Variants in IQCM observed in about 807,000 individuals in gnomAD.
The protein encoded by IQCM is IQ motif containing M, also known as IQ domain-containing protein M.
A neutral mutation model predicts 57.6 loss-of-function variants in IQCM; 45 were observed. That is an observed-to-expected ratio of 0.78 (90% confidence interval 0.62 to 1.00). IQCM has a LOEUF of 1.00. Ranked by LOEUF, IQCM falls within the 50% of genes least tolerant of loss-of-function variation. IQCM has a pLI of 0.00. For synonymous variants in IQCM, 148 were observed against 158.9 expected, an observed-to-expected ratio of 0.93 and a Z score of 0.51; for missense variants, 468 against 511.6, an observed-to-expected ratio of 0.91 and a Z score of 0.82.
chr4:149,627,049 A>G (rs1266047205), intron 7 of IQCM, among the ~76,000 whole-genome samples: 2 of 152,210 alleles, frequency 1.3e-5, no homozygotes, highest in African/African-American at 4.8e-5. Context: ...TACAGCTCCA[A>G]GACAACAACT....
intron 13 of IQCM, among the ~76,000 whole-genome samples, chr4:149,386,039 T>C (rs536042487): frequency 2.6e-5 from 4 of 152,240 alleles, no homozygotes; most frequent in Admixed American, 6.6e-5. Context: ...AAATCCTTCA[T>C]TGGCTTCTCA....
At chr4:149,504,482 C>T (rs1177521736) in intron 12 of IQCM, among the ~76,000 whole-genome samples, 1 of 152,042 alleles carries the variant, frequency 6.6e-6, no homozygotes, top group African/African-American at 2.4e-5. Flanking sequence ...CAGCCCACAC[C>T]CACCCCCCAT....
Position 149,800,036 on chromosome 4 carries a change from A to T in IQCM, c.-49+15275T>A, listed in dbSNP as rs368669882. 1.9e-4 allele frequency among the ~76,000 whole-genome samples: 29 copies of T among 151,930 alleles called. No individual in the cohort carries two copies. The East Asian group carries it at 3.7e-3, about 19-fold the overall frequency. On this transcript the variant is annotated intron_variant, in intron 2 of 13. Coordinates refer to ENST00000636793, the MANE Select transcript of IQCM (RefSeq NM_001363507.2). Reference sequence around the variant, plus strand: ...ACCCTGATACCAAAACCAGACAAAGATACCAAAAAAGGAAAACTACAGGCA... The same window carrying T: ...ACCCTGATACCAAAACCAGACAAAGTTACCAAAAAAGGAAAACTACAGGCA...
chr4:149,783,551 A>T (rs1771807322), intron 2 of IQCM, among the ~76,000 whole-genome samples: 1 of 152,204 alleles, frequency 6.6e-6, no homozygotes, highest in Non-Finnish European at 1.5e-5. Context: ...CTGCCAGCAC[A>T]AAACCCTCTG....
At chr4:149,706,597 T>C (rs1764177373) in intron 5 of IQCM, among the ~76,000 whole-genome samples, 1 of 152,024 alleles carries the variant, frequency 6.6e-6, no homozygotes, top group African/African-American at 2.4e-5. Flanking sequence ...AGTATTATCT[T>C]GTATATGTAA....
chr4:149,426,973 C>T lies in IQCM; in HGVS notation c.1390+6423G>A, dbSNP rs185859816. Among the ~76,000 whole-genome samples the T allele has an allele frequency of 2.1e-3, 314 of 152,070 alleles. 4 individuals are homozygous for T. The highest frequency in any genetic ancestry group is 7.3e-3 in the African/African-American group (302 of 41,516). On this transcript the variant is annotated intron_variant, in intron 13 of 13. Transcript: ENST00000636793. ...ATCAACAGCCTGCTTTGCTCAGAGA[C>T]CATGCTTAACCAGTATAATGCCCCC...
intron 2 of IQCM, among the ~76,000 whole-genome samples, chr4:149,777,895 C>T (rs1417216082): frequency 6.6e-6 from 1 of 151,946 alleles, no homozygotes; most frequent in Non-Finnish European, 1.5e-5. Context: ...GGTCAGCAAT[C>T]CAAGAATACC....
At chr4:149,485,537 C>G (rs951995039) in intron 12 of IQCM, among the ~76,000 whole-genome samples, 6 of 151,712 alleles carry the variant, frequency 4.0e-5, no homozygotes, top group Non-Finnish European at 5.9e-5. Flanking sequence ...TTCCATTTAC[C>G]AACTCTAGAA....
intron 2 of IQCM, among the ~76,000 whole-genome samples, chr4:149,810,550 A>C (rs924428743): frequency 2.0e-5 from 3 of 151,762 alleles, no homozygotes; most frequent in Admixed American, 1.3e-4. Context: ...CCCAGGTTCA[A>C]GCGATTCTCC....
intron 12 of IQCM, among the ~76,000 whole-genome samples, chr4:149,448,739 T>C (rs905180352): frequency 1.3e-5 from 2 of 151,846 alleles, no homozygotes; most frequent in Non-Finnish European, 1.5e-5. Context: ...TTTGATAAAA[T>C]TGACAAATTC....
intron 13 of IQCM, among the ~76,000 whole-genome samples, chr4:149,409,218 G>A (rs1733199142): frequency 6.6e-6 from 1 of 152,178 alleles, no homozygotes; most frequent in South Asian, 2.1e-4. Context: ...GTCAAGATGG[G>A]GCCTCAGATG....
intron 5 of IQCM, among the ~76,000 whole-genome samples, chr4:149,704,805 CT>C (rs1764032624): frequency 6.6e-6 from 1 of 151,850 alleles, no homozygotes. Flanking sequence ...AATCGGTAGA[CT>C]GGATAAAGAA....
At chr4:149,511,435 G>A (rs1744406036) in intron 12 of IQCM, among the ~76,000 whole-genome samples, 1 of 151,868 alleles carries the variant, frequency 6.6e-6, no homozygotes, top group African/African-American at 2.4e-5. Context: ...GGCTGATGCA[G>A]GAAAATCACT....
chr4:149,433,843 C>T (rs1236501043), intron 12 of IQCM, among the ~76,000 whole-genome samples: 1 of 151,980 alleles, frequency 6.6e-6, no homozygotes, highest in East Asian at 1.9e-4. Flanking sequence ...ACAGCATTCA[C>T]ATTATAGATT....
intron 2 of IQCM, among the ~76,000 whole-genome samples, chr4:149,760,400 T>A (rs149624314): frequency 1.3e-5 from 2 of 152,228 alleles, no homozygotes; most frequent in Non-Finnish European, 2.9e-5. Context: ...GAACTATTTA[T>A]ACAAGATGAA....
At chr4:149,410,959 TG>T (rs1393059530) in intron 13 of IQCM, among the ~76,000 whole-genome samples, 17 of 152,292 alleles carry the variant, frequency 1.1e-4, no homozygotes, top group African/African-American at 3.6e-4. Flanking sequence ...TTTCTGTTGC[TG>T]TTTTAAATTC....
intron 5 of IQCM, among the ~76,000 whole-genome samples, chr4:149,719,352 A>AAAAAAAG (rs1313957421): frequency 6.6e-6 from 1 of 151,936 alleles, no homozygotes; most frequent in Admixed American, 6.5e-5. Flanking sequence ...CTTAAAAAAA[A>AAAAAAAG]AAAAAAGAAA....
chr4:149,785,054 T>C (rs2150017328), intron 2 of IQCM, among the ~76,000 whole-genome samples: 1 of 152,328 alleles, frequency 6.6e-6, no homozygotes, highest in East Asian at 1.9e-4. Flanking sequence ...AGAGATATGT[T>C]TTATGTAACA....
intron 7 of IQCM, among the ~76,000 whole-genome samples, chr4:149,675,179 T>G (rs2150188055): frequency 1.3e-5 from 2 of 152,076 alleles, no homozygotes; most frequent in Middle Eastern, 3.4e-3. Context: ...TATGAAAAGA[T>G]TAGTGTTACA....
Sources: gnomAD v4.1 joint callset for allele counts (sites outside exome capture counted in the v4.1 genomes callset) on GRCh38, gnomAD v4.1.1 for gene constraint, MANE v1.5 for transcripts, NCBI Gene and HGNC (gene_info 2026-07-23, HGNC 2026-07-21) for gene names.